The following SEC24D variants were observed in gnomAD, a reference collection of about 807,000 sequenced individuals.
The protein encoded by SEC24D is SEC24 homolog D, COPII component.
A neutral mutation model predicts 116.9 loss-of-function variants in SEC24D; 69 were observed. That is an observed-to-expected ratio of 0.59 (90% CI 0.49 to 0.72). The LOEUF (loss-of-function observed/expected upper bound fraction) is 0.72. SEC24D is among the 30% of genes least tolerant of loss of function. The probability of loss-of-function intolerance (pLI) is 0.00; values close to 1 mark genes in which losing one functional copy is unlikely to be tolerated. For synonymous variants in SEC24D, 405 were observed against 442.8 expected (o/e 0.91, Z 1.07); for missense variants, 1,131 against 1,264.1 (o/e 0.89, Z 1.60).
intron 8 of SEC24D, among the ~76,000 whole-genome samples, chr4:118,777,637 T>G (rs985164451): frequency 1.1e-4 from 16 of 152,310 alleles, no homozygotes; most frequent in Non-Finnish European, 2.4e-4. Context: ...GTAATGGGAT[T>G]GCTGGGTCAA....
intron 2 of SEC24D, among the ~76,000 whole-genome samples, chr4:118,829,313 G>C (rs1187146612): frequency 6.6e-6 from 1 of 152,124 alleles, no homozygotes; most frequent in Non-Finnish European, 1.5e-5. Context: ...AGGAGATCGA[G>C]ACAGAACTGG....
In SEC24D at chr4:118,752,002, T is replaced by C; in HGVS notation, c.1701A>G (p.Ala567=). The C allele has an allele frequency of 1.2e-6, 2 of 1,607,454 alleles. No homozygotes were observed. The highest frequency in any genetic ancestry group is 1.7e-6 in the Non-Finnish European group (2 of 1,174,488). Residue 567 remains alanine, a synonymous_variant, in exon 13 of 23, where the codon GCA becomes GCG. Transcript: ENST00000280551. ...FAPVIQAGME[A]LKAADCPGKL... ...AGAAGTGGCTTCTTCTCACCTTTAG[T>C]GCTTCCATGCCAGCCTGGATGACAG...
chr4:118,732,694 C>T (rs1468598450), intron 20 of SEC24D, 39 bp downstream of exon 20: 8 of 1,584,574 alleles, frequency 5.0e-6, no homozygotes, highest in Non-Finnish European at 6.9e-6. Context: ...GATTCCCTTC[C>T]AGCCTCCTCT....
chr4:118,813,907 T>G (rs1730024441), intron 6 of SEC24D, among the ~76,000 whole-genome samples: 2 of 152,098 alleles, frequency 1.3e-5, no homozygotes, highest in South Asian at 4.1e-4. Context: ...ATGAGCAAGC[T>G]CAGCCAAAAT....
intron 7 of SEC24D, among the ~76,000 whole-genome samples, chr4:118,800,444 C>T (rs947643578): frequency 6.6e-5 from 10 of 152,016 alleles, no homozygotes; most frequent in African/African-American, 2.4e-4. Context: ...GCTACTAGTG[C>T]CAGATTTCAC....
intron 8 of SEC24D, among the ~76,000 whole-genome samples, chr4:118,796,008 T>C (rs1283917823): frequency 6.6e-6 from 1 of 152,198 alleles, no homozygotes; most frequent in Admixed American, 6.5e-5. Flanking sequence ...GTATTTAGTA[T>C]TAAGTGTCTA....
chr4:118,807,920 T>C (rs146977398), intron 6 of SEC24D, among the ~76,000 whole-genome samples: 1 of 152,346 alleles, frequency 6.6e-6, no homozygotes, highest in African/African-American at 2.4e-5. Flanking sequence ...AATTATATTC[T>C]GTATTTTGAC....
chr4:118,804,688 T>G (rs1289472462), intron 7 of SEC24D, among the ~76,000 whole-genome samples: 1 of 151,922 alleles, frequency 6.6e-6, no homozygotes, highest in African/African-American at 2.4e-5. Context: ...GAGTTCTAAG[T>G]AATGAGGAAG....
chr4:118,768,400 T>TTA, intron 8 of SEC24D, 89 bp from the exon 9 acceptor site: 1 of 1,061,584 alleles, frequency 9.4e-7, no homozygotes, highest in Non-Finnish European at 1.3e-6. Context: ...GGCACTTTTT[T>TTA]TTTTTTTTTT....
intron 8 of SEC24D, among the ~76,000 whole-genome samples, chr4:118,774,595 T>C (rs1263334453): frequency 6.6e-6 from 1 of 152,112 alleles, no homozygotes; most frequent in Non-Finnish European, 1.5e-5. Context: ...TCCTCTATAC[T>C]ATATGTGCAA....
intron 9 of SEC24D, among the ~76,000 whole-genome samples, chr4:118,766,264 C>T (rs1727639017): frequency 6.6e-6 from 1 of 152,178 alleles, no homozygotes; most frequent in Admixed American, 6.5e-5. Context: ...CCTTTGGCCC[C>T]TGTCTTCCTG....
At chr4:118,787,509 T>C (rs1728704571) in intron 8 of SEC24D, among the ~76,000 whole-genome samples, 1 of 152,206 alleles carries the variant, frequency 6.6e-6, no homozygotes, top group South Asian at 2.1e-4. Context: ...TCTTCATGTG[T>C]TCTTTTTATT....
chr4:118,833,707 T>C lies in SEC24D; in HGVS notation c.-11A>G, dbSNP rs367655042. 3 of 1,571,264 alleles carry C rather than the reference T, an allele frequency of 1.9e-6. No individual in the cohort carries two copies. Among genetic ancestry groups the C allele is most frequent in the Non-Finnish European group, 2.6e-6 (3 of 1,143,666 alleles). On this transcript the variant is annotated 5_prime_UTR_variant, in exon 2 of 23. It removes the in-frame stop codon of an upstream open reading frame in the 5' UTR. Transcript: ENST00000280551. ...ACCTTGTTGACTCATTATGAAAATA[T>C]CATTCCATAGGATAATTCTACAAAA...
intron 15 of SEC24D, 135 bp downstream of exon 15, chr4:118,743,851 TAC>T: frequency 1.3e-6 from 1 of 748,224 alleles, no homozygotes; most frequent in Non-Finnish European, 2.1e-6. Flanking sequence ...ACCAACGGTA[TAC>T]TTTGTTTTCC....
chr4:118,752,307 T>A (rs1371041991), intron 12 of SEC24D, among the ~76,000 whole-genome samples: 1 of 152,222 alleles, frequency 6.6e-6, no homozygotes, highest in African/African-American at 2.4e-5. Context: ...TTTGTAGATA[T>A]TTTTTCTATT....
chr4:118,737,982 T>C (rs1275964011), intron 19 of SEC24D: 1 of 259,738 alleles, frequency 3.9e-6, no homozygotes, highest in Non-Finnish European at 7.3e-6. Flanking sequence ...CCTGTTTATA[T>C]TAGGACACTT....
chr4:118,758,137 A>T (rs1195365364), intron 10 of SEC24D, among the ~76,000 whole-genome samples: 1 of 152,204 alleles, frequency 6.6e-6, no homozygotes, highest in Non-Finnish European at 1.5e-5. Flanking sequence ...TTATTATTAC[A>T]GTTGCTGAAG....
intron 10 of SEC24D, among the ~76,000 whole-genome samples, chr4:118,762,655 C>T (rs905618499): frequency 1.3e-5 from 2 of 152,234 alleles, no homozygotes; most frequent in Non-Finnish European, 2.9e-5. Context: ...TAAGCCAACT[C>T]ATTATTATAC....
At chr4:118,803,252 AAATTTT>A (rs1437978031) in intron 7 of SEC24D, among the ~76,000 whole-genome samples, 6 of 152,220 alleles carry the variant, frequency 3.9e-5, no homozygotes, top group African/African-American at 1.4e-4. Context: ...TTAAAATAAT[AAATTTT>A]ATGTTATATA....
Sources: allele counts gnomAD v4.1 joint callset (sites outside exome capture counted in the v4.1 genomes callset), GRCh38; gene constraint gnomAD v4.1.1; transcripts MANE v1.5; gene names NCBI Gene and HGNC (gene_info 2026-07-23, HGNC 2026-07-21).